GAST: variants seen among roughly 807,000 people sequenced by gnomAD.
The protein encoded by GAST is gastrin, also known as preprogastrin.
GAST carries 9 observed loss-of-function variants against 12.5 expected under a neutral mutation model. The observed-to-expected ratio is 0.72, with a 90% CI of 0.43 to 1.25. The LOEUF (loss-of-function observed/expected upper bound fraction) is 1.25. Among genes scored for constraint, GAST ranks in the 50% most tolerant of loss-of-function variants. GAST has a pLI of 0.00. For synonymous variants in GAST, 52 were observed against 51.1 expected, an observed-to-expected ratio of 1.02 and a Z score of -0.08; for missense variants, 121 against 127.7, an observed-to-expected ratio of 0.95 and a Z score of 0.25.
At chr17:41,714,825 G>A (rs1407859429) in intron 1 of GAST, among the ~76,000 whole-genome samples, 1 of 152,038 alleles carries the variant, frequency 6.6e-6, no homozygotes, top group Non-Finnish European at 1.5e-5. Flanking sequence ...CACTAACATG[G>A]CCTCAAATTC....
At chr17:41,713,732 A>C (rs1567773300) in intron 1 of GAST, among the ~76,000 whole-genome samples, 1 of 152,112 alleles carries the variant, frequency 6.6e-6, no homozygotes, top group Non-Finnish European at 1.5e-5. Context: ...AAAAACTTAA[A>C]AGCAGTACAG....
At chr17:41,715,678 A>C (rs1261437575) in intron 2 of GAST, 31 bp downstream of exon 2, 1 of 1,608,390 alleles carries the variant, frequency 6.2e-7, no homozygotes, top group Non-Finnish European at 8.5e-7. Context: ...TGCTTGCCTC[A>C]CTTGGCCAGG....
chr17:41,715,640 C>T lies in GAST; in HGVS notation c.204C>T (p.Leu68=), dbSNP rs1555585799. The change falls in exon 2 of 3, where the codon CTC becomes CTT. Residue 68 remains leucine (L), a synonymous_variant. Coordinates refer to ENST00000329402, the MANE Select transcript of GAST (RefSeq NM_000805.5). ...RQLGPQGPPH[L]VADPSKKQGP... is the part of the protein sequence containing the mutation. ...TGGGACCCCAGGGTCCCCCACACCT[C>T]GTGGCAGGTAGGAGCTGCTGACTGC... The T allele has an allele frequency of 1.9e-6, 3 of 1,613,300 alleles. No individual in the cohort carries two copies. The highest frequency in any genetic ancestry group is 1.1e-5 in the South Asian group (1 of 91,054).
chr17:41,712,740 G>A (rs1910882439), intron 1 of GAST, among the ~76,000 whole-genome samples: 1 of 152,144 alleles, frequency 6.6e-6, no homozygotes, highest in South Asian at 2.1e-4. Context: ...AAAGTCACAG[G>A]GATTATTAGG....
chr17:41,713,441 A>G lies in GAST; in HGVS notation c.-6+1054A>G, dbSNP rs189714385. Among the ~76,000 whole-genome samples the G allele has an allele frequency of 6.6e-4, 100 of 152,280 alleles. 1 individual carries two copies. Among genetic ancestry groups the G allele is most frequent in the African/African-American group, 2.4e-3 (98 of 41,570 alleles). On this transcript the variant is annotated intron_variant, in intron 1 of 2. Coordinates refer to ENST00000329402, the MANE Select transcript of GAST (RefSeq NM_000805.5). ...CACCGTGGCTCATGCCTGTGATCAC[A>G]ACACTTTGGGAGGCTGAAGCAAGCA...
rs184678095 is a variant in GAST, at chr17:41,715,010, G to T, written c.-5-422G>T. ...ATAGTCCACAACTCCACACAGAATT[G>T]CAGACTCACCCGGGTGCGGTGGCTC... is the stretch of plus-strand genomic sequence containing the variant. On this transcript the variant is annotated intron_variant, in intron 1 of 2. Coordinates refer to ENST00000329402, the MANE Select transcript of GAST (RefSeq NM_000805.5). Among the ~76,000 whole-genome samples, 166 of 152,124 alleles carry T rather than the reference G, an allele frequency of 1.1e-3. 3 individuals are homozygous for T. The highest frequency in any genetic ancestry group is 3.5e-3 in the African/African-American group (145 of 41,518).
At chr17:41,714,241 C>T (rs1256487149) in intron 1 of GAST, among the ~76,000 whole-genome samples, 1 of 152,076 alleles carries the variant, frequency 6.6e-6, no homozygotes, top group Non-Finnish European at 1.5e-5. Flanking sequence ...GGTGCAATCT[C>T]GGCTCACTGC....
chr17:41,713,607 G>T (rs1910906871), intron 1 of GAST, among the ~76,000 whole-genome samples: 1 of 152,122 alleles, frequency 6.6e-6, no homozygotes, highest in African/African-American at 2.4e-5. Context: ...TGAGGTGGGA[G>T]GATCTCTTGA....
intron 1 of GAST, among the ~76,000 whole-genome samples, chr17:41,712,909 G>A (rs1349843674): frequency 1.3e-5 from 2 of 151,962 alleles, no homozygotes; most frequent in Admixed American, 1.3e-4. Flanking sequence ...AATGGGGTTA[G>A]TGTAAGGAAG....
intron 1 of GAST, among the ~76,000 whole-genome samples, chr17:41,714,449 C>A (rs1910923089): frequency 6.6e-6 from 1 of 151,994 alleles, no homozygotes; most frequent in Non-Finnish European, 1.5e-5. Context: ...CTGGGATTAC[C>A]ATGCCTGGCC....
intron 1 of GAST, among the ~76,000 whole-genome samples, chr17:41,714,356 A>G (rs1003789706): frequency 2.0e-5 from 3 of 151,946 alleles, no homozygotes; most frequent in Admixed American, 6.6e-5. Flanking sequence ...TATTTTTTGT[A>G]GAGATGGGGT....
At position 41,715,772 on chromosome 17, in the gene GAST, C is replaced by A. The variant is rs145765054; in HGVS notation, c.212-6C>A. 1,171 of 1,607,384 alleles carry A rather than the reference C, an allele frequency of 7.3e-4. 3 individuals are homozygous for A. Among genetic ancestry groups the A allele is most frequent in the East Asian group, 7.3e-3 (326 of 44,864 alleles). ...TCCCCCATTCTCGCCTCTCTCACCTCCTCAGACCCGTCCAAGAAGCAGGGA... is the reference window on the plus strand; with the variant it reads ...TCCCCCATTCTCGCCTCTCTCACCTACTCAGACCCGTCCAAGAAGCAGGGA... On this transcript the variant is annotated splice_polypyrimidine_tract_variant and splice_region_variant and intron_variant, in intron 2 of 2. Transcript: ENST00000329402.
In GAST at chr17:41,714,117, C is replaced by A. The variant is rs868966431; in HGVS notation, c.-5-1315C>A. On this transcript the variant is annotated intron_variant, in intron 1 of 2. Transcript: ENST00000329402. ...AGTCTCCAAAGTGATAACATGCGGT[C>A]TGTAACACAGCTGGATGTCCATGTT... Among the ~76,000 whole-genome samples, 116 of 152,212 alleles carry A rather than the reference C, an allele frequency of 7.6e-4. 1 individual carries two copies. Among genetic ancestry groups the A allele is most frequent in the African/African-American group, 2.7e-3 (113 of 41,470 alleles).
At position 41,715,928 on chromosome 17, in the gene GAST, T is replaced by C; in HGVS notation, c.*56T>C. ...CACCTCCCACCCCACTCCAGCCCTGTCCCCTGAAAAACTGATCAAAAATAA... is the reference window on the plus strand; with the variant it reads ...CACCTCCCACCCCACTCCAGCCCTGCCCCCTGAAAAACTGATCAAAAATAA... On this transcript the variant is annotated 3_prime_UTR_variant, in exon 3 of 3. Transcript: ENST00000329402. 1 of 1,368,398 alleles carries C rather than the reference T, an allele frequency of 7.3e-7. No individual in the cohort carries two copies. Among genetic ancestry groups the C allele is most frequent in the Non-Finnish European group, 1.0e-6 (1 of 993,460 alleles). 84.8% of individuals were successfully genotyped at this position (1,368,398 alleles called of 1,614,324 possible). A position where few individuals can be genotyped will look rare whatever the true frequency, so the allele number is the denominator to read the frequency against.
rs1398403961 is a variant in GAST at position 41,713,540 on chromosome 17, C to CA, written c.-6+1160dup. ...ACCTCATCTCTACTAAAAATAAAAA[C>CA]AAAAAAATTAGCTGGGCATAGTAGT... On this transcript the variant is annotated intron_variant, in intron 1 of 2. Transcript: ENST00000329402. 1.2e-4 allele frequency among the ~76,000 whole-genome samples: 18 copies of CA among 151,746 alleles called. No homozygotes were observed. The East Asian group carries it at 3.5e-3, about 30-fold the overall frequency.
rs1452366861 is a variant in GAST, at chr17:41,715,466, C to A, written c.30C>A (p.Ile10=). MQRLCVYVL[I]FALALAAFSE... is the part of the protein sequence containing the mutation. Reference sequence around the variant, plus strand: ...AGCGACTGTGTGTGTATGTGCTGATCTTTGCACTGGCTCTGGCCGCCTTCT... The same window carrying A: ...AGCGACTGTGTGTGTATGTGCTGATATTTGCACTGGCTCTGGCCGCCTTCT... The change falls in exon 2 of 3, where the codon ATC becomes ATA. Residue 10 remains isoleucine (I), a synonymous_variant. Transcript: ENST00000329402. 13 of 1,613,852 alleles carry A rather than the reference C, an allele frequency of 8.1e-6. No individual in the cohort carries two copies. Among genetic ancestry groups the A allele is most frequent in the Non-Finnish European group, 1.1e-5 (13 of 1,180,014 alleles).
chr17:41,714,110 A>G (rs544612443), intron 1 of GAST, among the ~76,000 whole-genome samples: 4 of 152,350 alleles, frequency 2.6e-5, no homozygotes, highest in Middle Eastern at 3.4e-3. Context: ...AAGTGATAAC[A>G]TGCGGTCTGT....
intron 1 of GAST, among the ~76,000 whole-genome samples, chr17:41,712,837 G>A (rs926343377): frequency 2.0e-5 from 3 of 152,196 alleles, no homozygotes; most frequent in Non-Finnish European, 4.4e-5. Flanking sequence ...GTCCTATGAT[G>A]CAGGAAATGG....
chr17:41,714,331 C>T (rs1316812804), intron 1 of GAST, among the ~76,000 whole-genome samples: 2 of 152,218 alleles, frequency 1.3e-5, no homozygotes, highest in East Asian at 1.9e-4. Flanking sequence ...TGCCACCATG[C>T]CTGGCTAATT....
Sources: gnomAD v4.1 joint callset for allele counts (sites outside exome capture counted in the v4.1 genomes callset) on GRCh38, gnomAD v4.1.1 for gene constraint, MANE v1.5 for transcripts, NCBI Gene and HGNC (gene_info 2026-07-23, HGNC 2026-07-21) for gene names.